Variants in RORA observed in about 807,000 individuals in gnomAD.
The protein encoded by RORA is RAR related orphan receptor A.
In RORA, 7 loss-of-function variants were observed where a neutral mutation model predicts 69.5. The ratio of observed to expected loss-of-function variants is 0.10; its 90% CI spans 0.06 to 0.19. RORA has a LOEUF of 0.19. Among genes scored for constraint, RORA ranks in the 10% least tolerant of loss-of-function variants. RORA has a pLI of 1.00. For synonymous variants in RORA, 261 were observed against 240.8 expected, an observed-to-expected ratio of 1.08 and a Z score of -0.78; for missense variants, 457 against 663.0, an observed-to-expected ratio of 0.69 and a Z score of 3.41.
At chr15:61,106,401 T>C (rs2078948991) in intron 1 of RORA, among the ~76,000 whole-genome samples, 1 of 152,242 alleles carries the variant, frequency 6.6e-6, no homozygotes, top group South Asian at 2.1e-4. Context: ...TACTCATTCA[T>C]TTAATAACCA....
chr15:60,796,447 T>C (rs1184658568), intron 1 of RORA, among the ~76,000 whole-genome samples: 6 of 151,986 alleles, frequency 3.9e-5, no homozygotes, highest in Non-Finnish European at 8.8e-5. Flanking sequence ...GAAAACAAAT[T>C]ACTCTGAAAG....
intron 1 of RORA, among the ~76,000 whole-genome samples, chr15:61,180,798 A>G (rs1434896839): frequency 6.6e-6 from 1 of 152,148 alleles, no homozygotes; most frequent in African/African-American, 2.4e-5. Context: ...CAGACACTTT[A>G]AAAATCCACA....
At chr15:61,058,310 G>A (rs1309866279) in intron 1 of RORA, among the ~76,000 whole-genome samples, 6 of 152,200 alleles carry the variant, frequency 3.9e-5, no homozygotes, top group Non-Finnish European at 8.8e-5. Context: ...GGGAGCTTCT[G>A]AGCCACTCTT....
At chr15:60,802,247 A>C (rs1417445425) in intron 1 of RORA, among the ~76,000 whole-genome samples, 1 of 152,218 alleles carries the variant, frequency 6.6e-6, no homozygotes, top group African/African-American at 2.4e-5. Flanking sequence ...CAATTTCCTC[A>C]TCTGCGTATG....
At chr15:60,788,573 T>C (rs1208907249) in intron 1 of RORA, among the ~76,000 whole-genome samples, 1 of 152,218 alleles carries the variant, frequency 6.6e-6, no homozygotes, top group Non-Finnish European at 1.5e-5. Flanking sequence ...CCTCAGCAAA[T>C]GCTGACGCAT....
intron 1 of RORA, among the ~76,000 whole-genome samples, chr15:61,168,236 G>A (rs34268302): frequency 0.46 from 69,098 of 150,074 alleles, 16,487 homozygotes; most frequent in Non-Finnish European, 0.53. Flanking sequence ...GTGTGTGTGT[G>A]TATGTATTTT....
intron 1 of RORA, among the ~76,000 whole-genome samples, chr15:61,123,106 A>T (rs2140822567): frequency 6.6e-6 from 1 of 152,180 alleles, no homozygotes; most frequent in East Asian, 1.9e-4. Context: ...CCAGGAACTT[A>T]TGATTGGAGG....
intron 1 of RORA, among the ~76,000 whole-genome samples, chr15:60,782,663 T>C (rs1476375600): frequency 6.6e-6 from 1 of 152,164 alleles, no homozygotes; most frequent in Non-Finnish European, 1.5e-5. Flanking sequence ...AGAAGCAAAG[T>C]TTCCCGAAGA....
intron 2 of RORA, among the ~76,000 whole-genome samples, chr15:60,585,967 A>C (rs2068323275): frequency 1.3e-5 from 2 of 152,240 alleles, no homozygotes; most frequent in South Asian, 2.1e-4. Context: ...TCCATGTGCA[A>C]GTAACCACTA....
intron 2 of RORA, chr15:60,627,477 G>A (rs2069621468): frequency 6.4e-7 from 1 of 1,561,438 alleles, no homozygotes; most frequent in Admixed American, 1.8e-5. Flanking sequence ...CAACAGCTGG[G>A]TGGAGAATGA....
intron 1 of RORA, among the ~76,000 whole-genome samples, chr15:60,833,120 G>T (rs926342317): frequency 2.0e-5 from 3 of 151,948 alleles, no homozygotes; most frequent in African/African-American, 7.3e-5. Flanking sequence ...TAGCCAGGAT[G>T]GTCTCGAACT....
intron 1 of RORA, among the ~76,000 whole-genome samples, chr15:60,993,644 C>CCAAAAA (rs1894448270): frequency 1.2e-5 from 1 of 83,076 alleles, no homozygotes; most frequent in African/African-American, 4.8e-5. Flanking sequence ...CTCTCCATCT[C>CCAAAAA]AAAAAAAAAA....
At chr15:61,073,181 C>T (rs2078393555) in intron 1 of RORA, among the ~76,000 whole-genome samples, 1 of 152,228 alleles carries the variant, frequency 6.6e-6, no homozygotes, top group South Asian at 2.1e-4. Context: ...TGCTTCTGTG[C>T]TGTAAACGGC....
intron 1 of RORA, among the ~76,000 whole-genome samples, chr15:61,100,331 G>T (rs2078861285): frequency 6.6e-6 from 1 of 152,088 alleles, no homozygotes; most frequent in African/African-American, 2.4e-5. Context: ...TGTTGGCCAG[G>T]CTGGTCTTGA....
chr15:60,569,202 A>G (rs1190364630), intron 2 of RORA, among the ~76,000 whole-genome samples: 1 of 151,292 alleles, frequency 6.6e-6, no homozygotes, highest in East Asian at 1.9e-4. Flanking sequence ...GGACTGCTTG[A>G]ACCTAAGAGT....
At chr15:60,840,034 G>A (rs2073175279) in intron 1 of RORA, among the ~76,000 whole-genome samples, 1 of 152,158 alleles carries the variant, frequency 6.6e-6, no homozygotes, top group Non-Finnish European at 1.5e-5. Context: ...GGAGAGTCTG[G>A]GAACAGCCAA....
At chr15:60,702,981 C>T (rs1567162252) in intron 1 of RORA, among the ~76,000 whole-genome samples, 2 of 152,124 alleles carry the variant, frequency 1.3e-5, no homozygotes, top group African/African-American at 2.4e-5. Flanking sequence ...ATGAGATGTT[C>T]CGAGTTTAGG....
intron 3 of RORA, among the ~76,000 whole-genome samples, chr15:60,524,862 A>T (rs2066295920): frequency 6.6e-6 from 1 of 152,234 alleles, no homozygotes; most frequent in Non-Finnish European, 1.5e-5. Context: ...AAGTAGGGAT[A>T]TGTATATCTG....
intron 1 of RORA, among the ~76,000 whole-genome samples, chr15:60,739,103 T>C (rs1485691388): frequency 6.6e-6 from 1 of 152,172 alleles, no homozygotes; most frequent in Non-Finnish European, 1.5e-5. Flanking sequence ...TTTCAAAATA[T>C]AAGTTTTGAG....
Sources: gnomAD v4.1 joint callset for allele counts (sites outside exome capture counted in the v4.1 genomes callset) on GRCh38, gnomAD v4.1.1 for gene constraint, MANE v1.5 for transcripts, NCBI Gene and HGNC (gene_info 2026-07-23, HGNC 2026-07-21) for gene names.